Variants in TTC23 observed in about 807,000 individuals in gnomAD.
TTC23 encodes the protein tetratricopeptide repeat protein 23.
A neutral mutation model predicts 55.1 loss-of-function variants in TTC23; 58 were observed. The observed-to-expected ratio is 1.05, with a 90% CI of 0.85 to 1.31. The LOEUF (loss-of-function observed/expected upper bound fraction) is 1.31, where lower values mean the gene tolerates loss of function less well. TTC23 is among the 50% of genes most tolerant of loss of function. The probability of loss-of-function intolerance (pLI) is 0.00; values close to 1 mark genes in which losing one functional copy is unlikely to be tolerated. For synonymous variants in TTC23, 203 were observed against 199.9 expected, an observed-to-expected ratio of 1.02 and a Z score of -0.13; for missense variants, 516 against 534.4, an observed-to-expected ratio of 0.97 and a Z score of 0.34.
chr15:99,201,447 G>T (rs1451918881), intron 8 of TTC23, among the ~76,000 whole-genome samples: 1 of 152,060 alleles, frequency 6.6e-6, no homozygotes, highest in Non-Finnish European at 1.5e-5. Flanking sequence ...TTCCCAAACT[G>T]CCCAAGAGAA....
chr15:99,180,538 T>C (rs2074017286), intron 9 of TTC23, among the ~76,000 whole-genome samples: 1 of 152,100 alleles, frequency 6.6e-6, no homozygotes, highest in Non-Finnish European at 1.5e-5. Context: ...TCCCCTTGGA[T>C]TGGTAAAATG....
chr15:99,137,502 G>A lies in TTC23; in HGVS notation c.*508C>T, dbSNP rs12439819. 0.088 allele frequency: 13,463 copies of A among 152,516 alleles called. 842 individuals are homozygous for A. The highest frequency in any genetic ancestry group is 0.33 in the East Asian group (1,720 of 5,164). The allele number at this position is 152,516 out of a possible 1,614,324, so 9.4% of individuals were successfully genotyped here. ...TTTTCAGGCTCCGAAGAACTCTGAGGCAGGCTGCACTTTGAAAACACATGC... is the reference window on the plus strand; with the variant it reads ...TTTTCAGGCTCCGAAGAACTCTGAGACAGGCTGCACTTTGAAAACACATGC... On this transcript the variant is annotated 3_prime_UTR_variant, in exon 14 of 14. Coordinates refer to ENST00000394132, the MANE Select transcript of TTC23 (RefSeq NM_001288615.3).
chr15:99,157,909 T>A (rs1039178686), intron 11 of TTC23: 6 of 152,234 alleles, frequency 3.9e-5, no homozygotes, highest in African/African-American at 1.2e-4. Flanking sequence ...AGAGCATGGA[T>A]GCTGAATTTA....
chr15:99,168,925 G>A (rs2072531018), intron 10 of TTC23, among the ~76,000 whole-genome samples: 1 of 152,196 alleles, frequency 6.6e-6, no homozygotes, highest in Non-Finnish European at 1.5e-5. Context: ...GGTAGCACCT[G>A]GGTTCCATTC....
intron 12 of TTC23, among the ~76,000 whole-genome samples, chr15:99,150,205 C>A (rs2069515182): frequency 6.6e-6 from 1 of 152,214 alleles, no homozygotes; most frequent in Non-Finnish European, 1.5e-5. Flanking sequence ...CAGTTCATCT[C>A]ATTCGATCCC....
intron 9 of TTC23, among the ~76,000 whole-genome samples, chr15:99,189,280 C>T (rs146522257): frequency 0.018 from 2,700 of 152,090 alleles, 35 homozygotes; most frequent in Middle Eastern, 0.031. Context: ...TTCCTAACAG[C>T]AGAATGCCAA....
At chr15:99,212,537 A>C (rs1567499742) in intron 8 of TTC23, among the ~76,000 whole-genome samples, 1 of 152,206 alleles carries the variant, frequency 6.6e-6, no homozygotes, top group Non-Finnish European at 1.5e-5. Flanking sequence ...GAGGAGAGGA[A>C]GAAGGAGAGA....
intron 9 of TTC23, among the ~76,000 whole-genome samples, chr15:99,182,279 C>A (rs968305468): frequency 1.3e-5 from 2 of 151,704 alleles, no homozygotes; most frequent in African/African-American, 4.8e-5. Flanking sequence ...CACACACACA[C>A]ACACACACAC....
intron 8 of TTC23, among the ~76,000 whole-genome samples, chr15:99,214,621 G>T (rs1186326786): frequency 1.3e-5 from 2 of 151,744 alleles, no homozygotes; most frequent in African/African-American, 2.4e-5. Flanking sequence ...AGAGATGGGG[G>T]TCTCCCCATC....
At chr15:99,171,497 T>C (rs571045214) in intron 10 of TTC23, among the ~76,000 whole-genome samples, 1 of 151,058 alleles carries the variant, frequency 6.6e-6, no homozygotes, top group Non-Finnish European at 1.5e-5. Context: ...GGTGCCCAAG[T>C]GCTGCTGCTA....
In TTC23 at chr15:99,161,847, G is replaced by A. The variant is rs772345633; in HGVS notation, c.886C>T (p.Gln296Ter). The A allele has an allele frequency of 6.2e-7, 1 of 1,608,870 alleles. No individual in the cohort carries two copies. Among genetic ancestry groups the A allele is most frequent in the South Asian group, 1.1e-5 (1 of 89,706 alleles). The change falls in exon 11 of 14, where the codon CAA (glutamine) becomes TAA (stop). Residue 296 changes from glutamine to a stop codon, truncating the protein, a stop_gained. Coordinates refer to ENST00000394132, the MANE Select transcript of TTC23 (RefSeq NM_001288615.3). LOFTEE classifies it high-confidence loss of function. ...TCCTTAAGATGAGCCATGCTCTCTT[G>A]AAAATACTGCTCAGCTACATCTGAA... ...EHHDVAEQYF[Q>*]ESMAHLKDSE...
chr15:99,243,941 A>C lies in TTC23; in HGVS notation c.-309+1448T>G, dbSNP rs911443655. 3.3e-5 allele frequency among the ~76,000 whole-genome samples: 5 copies of C among 152,198 alleles called. No homozygotes were observed. In the South Asian group the frequency reaches 1.0e-3, roughly 31 times the overall value. Reference sequence around the variant, plus strand: ...AACAGGGTGACTACAGTCAACAATAAGTTATTGTATATTTTAAAATAACTA... The same window carrying C: ...AACAGGGTGACTACAGTCAACAATACGTTATTGTATATTTTAAAATAACTA... On this transcript the variant is annotated intron_variant, in intron 2 of 13. Transcript: ENST00000394132.
intron 1 of TTC23, among the ~76,000 whole-genome samples, chr15:99,246,858 T>A (rs2152107091): frequency 6.6e-6 from 1 of 152,194 alleles, no homozygotes; most frequent in African/African-American, 2.4e-5. Flanking sequence ...AGGTGGACAT[T>A]GCAGTGGGCC....
chr15:99,150,603 C>A (rs1212123081), intron 12 of TTC23, among the ~76,000 whole-genome samples: 1 of 152,194 alleles, frequency 6.6e-6, no homozygotes, highest in Non-Finnish European at 1.5e-5. Context: ...GTTCTACTAA[C>A]AAGAAAAATA....
intron 6 of TTC23, among the ~76,000 whole-genome samples, chr15:99,220,054 T>G (rs530053221): frequency 7.2e-5 from 11 of 152,332 alleles, no homozygotes; most frequent in Non-Finnish European, 1.5e-4. Context: ...CAAAGCATGT[T>G]GGACTGTATT....
chr15:99,178,072 C>A (rs935726742), intron 9 of TTC23, among the ~76,000 whole-genome samples: 2 of 152,108 alleles, frequency 1.3e-5, no homozygotes, highest in African/African-American at 4.8e-5. Flanking sequence ...GTCCCAGCTA[C>A]GCAGGACGCT....
chr15:99,233,664 T>C (rs2079094686), intron 4 of TTC23, among the ~76,000 whole-genome samples: 1 of 152,224 alleles, frequency 6.6e-6, no homozygotes, highest in African/African-American at 2.4e-5. Flanking sequence ...CTGAATGCTT[T>C]ATCTCTACGA....
intron 8 of TTC23, among the ~76,000 whole-genome samples, chr15:99,205,552 T>G (rs746711843): frequency 4.7e-5 from 7 of 150,476 alleles, no homozygotes; most frequent in East Asian, 1.9e-4. Flanking sequence ...TATTGCTAGG[T>G]TTTTTTTTGT....
At chr15:99,215,055 C>T (rs949173227) in intron 8 of TTC23, among the ~76,000 whole-genome samples, 1 of 151,604 alleles carries the variant, frequency 6.6e-6, no homozygotes, top group Non-Finnish European at 1.5e-5. Context: ...AGGGTCTCGC[C>T]ATGTTAGCTA....
Sources: gnomAD v4.1 joint callset for allele counts (sites outside exome capture counted in the v4.1 genomes callset) on GRCh38, gnomAD v4.1.1 for gene constraint, MANE v1.5 for transcripts, NCBI Gene and HGNC (gene_info 2026-07-23, HGNC 2026-07-21) for gene names.